ZNF14: variants seen among roughly 807,000 people sequenced by gnomAD.
ZNF14 encodes gonadotropin inducible transcription repressor-4.
Under a neutral mutation model 11.3 loss-of-function variants are expected in ZNF14, and 9 were observed. The observed-to-expected ratio is 0.80, with a 90% confidence interval of 0.48 to 1.39. The LOEUF (loss-of-function observed/expected upper bound fraction) is 1.39, where lower values mean the gene tolerates loss of function less well. ZNF14 is among the 40% of genes most tolerant of loss of function. The pLI is 0.00. For synonymous variants in ZNF14, 239 were observed against 245.7 expected (o/e 0.97, Z 0.25); for missense variants, 711 against 763.9 (o/e 0.93, Z 0.82).
At position 19,727,590 on chromosome 19, in the gene ZNF14, C is replaced by T. The variant is rs1480836411; in HGVS notation, c.3+5366G>A. 1.5e-5 allele frequency among the ~76,000 whole-genome samples: 2 copies of T among 133,654 alleles called. 1 individual carries two copies. Among genetic ancestry groups the T allele is most frequent in the Admixed American group, 1.5e-4 (2 of 13,560 alleles). 87.7% of individuals were successfully genotyped at this position (133,654 alleles called of 152,430 possible). A position where few individuals can be genotyped will look rare whatever the true frequency, so the allele number is the denominator to read the frequency against. ...ATGCCAACTCATACCTAAAATCACA[C>T]GATTACCAGAACACACTCCACATGT... is the stretch of plus-strand genomic sequence containing the variant. On this transcript the variant is annotated intron_variant, in intron 1 of 3. Coordinates refer to ENST00000344099, the MANE Select transcript of ZNF14 (RefSeq NM_021030.3).
Position 19,711,076 on chromosome 19 carries a change from C to T in ZNF14, c.*276G>A. 1 of 338,440 alleles carries T rather than the reference C, an allele frequency of 3.0e-6. No homozygotes were observed. The highest frequency in any genetic ancestry group is 5.3e-6 in the Non-Finnish European group (1 of 189,370). The allele number at this position is 338,440 out of a possible 1,614,324, so 21.0% of individuals were successfully genotyped here. On this transcript the variant is annotated 3_prime_UTR_variant, in exon 4 of 4. Coordinates refer to ENST00000344099, the MANE Select transcript of ZNF14 (RefSeq NM_021030.3). The stretch of plus-strand genomic sequence containing the variant: ...ATAGGCATGAGCCAACAAGCTTGGC[C>T]TTTTTTAAAAAAACAAAAAACAAAA...
intron 1 of ZNF14, among the ~76,000 whole-genome samples, chr19:19,715,937 TCA>T (rs1333561108): frequency 3.3e-5 from 5 of 152,360 alleles, no homozygotes; most frequent in African/African-American, 1.2e-4. Context: ...TATCACAGGC[TCA>T]GTTCTTCCTT....
chr19:19,732,868 C>A (rs2062428073), intron 1 of ZNF14, 88 bp downstream of exon 1: 1 of 1,568,920 alleles, frequency 6.4e-7, no homozygotes. Context: ...CTGCAAACCC[C>A]GGAGTTGACT....
chr19:19,732,873 T>G (rs947309888), intron 1 of ZNF14, 83 bp downstream of exon 1: 2 of 1,563,898 alleles, frequency 1.3e-6, no homozygotes, highest in East Asian at 2.3e-5. Context: ...AACCCCGGAG[T>G]TGACTGCAAG....
At chr19:19,727,195 T>C (rs1243285278) in intron 1 of ZNF14, among the ~76,000 whole-genome samples, 1 of 134,458 alleles carries the variant, frequency 7.4e-6, no homozygotes, top group East Asian at 2.1e-4. Flanking sequence ...TTTGGCCATC[T>C]TGGAGCCTCA....
intron 1 of ZNF14, among the ~76,000 whole-genome samples, chr19:19,732,219 C>T (rs574191340): frequency 6.6e-6 from 1 of 152,288 alleles, no homozygotes; most frequent in African/African-American, 2.4e-5. Context: ...CCTGAACAAG[C>T]TCACAATTAA....
In ZNF14 at chr19:19,712,097, T is replaced by C. The variant is rs752961683; in HGVS notation, c.1184A>G (p.Gln395Arg). Residue 395 changes from glutamine (Q) to arginine (R), a missense_variant, in exon 4 of 4, where the codon CAG (glutamine) becomes CGG (arginine). Physicochemically the swap from Gln to Arg is conservative, Grantham distance 43 (BLOSUM62 1). Transcript: ENST00000344099. ...TGAAAAACTGAAGGTTTTATGACAC[T>C]GTTTACACTCATAAGGTTTCTCTCC... ...HTGEKPYECK[Q>R]CHKTFSFSSS... The C allele has an allele frequency of 6.2e-7, 1 of 1,613,814 alleles. No individual in the cohort carries two copies.
intron 1 of ZNF14, among the ~76,000 whole-genome samples, chr19:19,728,836 T>C (rs2062414127): frequency 6.8e-6 from 1 of 147,758 alleles, no homozygotes. Flanking sequence ...TTCTCTAACT[T>C]TCCACTTTTG....
chr19:19,724,778 A>C (rs541724730), intron 1 of ZNF14, among the ~76,000 whole-genome samples: 2 of 133,330 alleles, frequency 1.5e-5, no homozygotes, highest in South Asian at 4.9e-4. Flanking sequence ...TATTGGGTGC[A>C]TATATATTTA....
At chr19:19,714,930 G>T (rs572004429) in intron 1 of ZNF14, among the ~76,000 whole-genome samples, 1 of 151,656 alleles carries the variant, frequency 6.6e-6, no homozygotes, top group African/African-American at 2.4e-5. Context: ...GGCTGGTCTC[G>T]AACTCCTGAG....
chr19:19,714,526 A>T lies in ZNF14; in HGVS notation c.4-39T>A, dbSNP rs776137424. 2.8e-5 allele frequency: 44 copies of T among 1,587,362 alleles called. No individual in the cohort carries two copies. In the South Asian group the frequency reaches 4.9e-4, roughly 18 times the overall value. On this transcript the variant is annotated intron_variant, in intron 1 of 3. Coordinates refer to ENST00000344099, the MANE Select transcript of ZNF14 (RefSeq NM_021030.3). ...CATATGTTTACAGAGGATGGGTAAG[A>T]CTGGCAGTACTGGGGATCTATACTT...
In ZNF14 at chr19:19,711,886, A is replaced by G. The variant is rs2062361720; in HGVS notation, c.1395T>C (p.His465=). The change falls in exon 4 of 4, where the codon CAT becomes CAC. Residue 465 remains histidine, a synonymous_variant. Coordinates refer to ENST00000344099, the MANE Select transcript of ZNF14 (RefSeq NM_021030.3). ...GTTTCTCTCCAGTGTGTGACCTTTC[A>G]TGAATTCGAAAATAACTTGAACACC... ...AFRCSSYFRI[H]ERSHTGEKPY... 1 of 1,613,640 alleles carries G rather than the reference A, an allele frequency of 6.2e-7. No homozygotes were observed. Among genetic ancestry groups the G allele is most frequent in the African/African-American group, 1.3e-5 (1 of 74,820 alleles).
intron 1 of ZNF14, among the ~76,000 whole-genome samples, chr19:19,719,769 A>G (rs755364482): frequency 6.6e-6 from 1 of 152,232 alleles, no homozygotes; most frequent in Non-Finnish European, 1.5e-5. Flanking sequence ...TTAAACATCA[A>G]TGGTCTAAAT....
At chr19:19,713,615 A>AT (rs1183433980) in intron 3 of ZNF14, among the ~76,000 whole-genome samples, 1 of 151,826 alleles carries the variant, frequency 6.6e-6, no homozygotes, top group Admixed American at 6.6e-5. Context: ...CAGCTGGCTA[A>AT]TTTTTGTATT....
At position 19,712,008 on chromosome 19, in the gene ZNF14, C is replaced by T. The variant is rs772134098; in HGVS notation, c.1273G>A (p.Gly425Ser). The change falls in exon 4 of 4, where the codon GGT becomes AGT. Residue 425 changes from glycine (G) to serine (S), a missense_variant. Coordinates refer to ENST00000344099, the MANE Select transcript of ZNF14 (RefSeq NM_021030.3). The part of the protein sequence containing the change: ...GEKPYECKQC[G>S]KTFSFSSSLQ... Reference sequence around the variant, plus strand: ...GAACTTGAAAAACTGAAGGTTTTACCACATTGTTTACATTCATAGGGTTTC... The same window carrying T: ...GAACTTGAAAAACTGAAGGTTTTACTACATTGTTTACATTCATAGGGTTTC... 3.1e-6 allele frequency: 5 copies of T among 1,613,822 alleles called. No homozygotes were observed. The highest frequency in any genetic ancestry group is 4.2e-6 in the Non-Finnish European group (5 of 1,179,886).
At position 19,711,025 on chromosome 19, in the gene ZNF14, C is replaced by G; in HGVS notation, c.*327G>C. On this transcript the variant is annotated 3_prime_UTR_variant, in exon 4 of 4. Coordinates refer to ENST00000344099, the MANE Select transcript of ZNF14 (RefSeq NM_021030.3). ...CCTCAAATGATCTGCCTGCCTTGCACCTTGGCCTCCCAAAGTGCTGGGACT... is the reference window on the plus strand; with the variant it reads ...CCTCAAATGATCTGCCTGCCTTGCAGCTTGGCCTCCCAAAGTGCTGGGACT... 4.4e-6 allele frequency: 1 copy of G among 224,824 alleles called. No individual in the cohort carries two copies. The allele number at this position is 224,824 out of a possible 1,614,324, so 13.9% of individuals were successfully genotyped here. A position where few individuals can be genotyped will look rare whatever the true frequency, so the allele number is the denominator to read the frequency against.
At position 19,714,420 on chromosome 19, in the gene ZNF14, G is replaced by A; in HGVS notation, c.71C>T (p.Ser24Leu). The change falls in exon 2 of 4, where the codon TCA (serine) becomes TTA (leucine). Residue 24 changes from serine to leucine, a missense_variant. Physicochemically the swap from Ser to Leu is moderately radical, Grantham distance 145. Transcript: ENST00000344099. ...TLEEWALLDS[S>L]QKKLYEDVMQ... ...CACATCTTCATAGAGCTTTTTCTGTGAAGAATCCAGCAAAGCCCACTCCTC... is the reference window on the plus strand; with the variant it reads ...CACATCTTCATAGAGCTTTTTCTGTAAAGAATCCAGCAAAGCCCACTCCTC... 1 of 1,614,084 alleles carries A rather than the reference G, an allele frequency of 6.2e-7. No homozygotes were observed. The highest frequency in any genetic ancestry group is 8.5e-7 in the Non-Finnish European group (1 of 1,180,010).
rs1418188732 is a variant in ZNF14 at position 19,712,499 on chromosome 19, C to A, written c.782G>T (p.Ser261Ile). 8 of 1,612,972 alleles carry A rather than the reference C, an allele frequency of 5.0e-6. No homozygotes were observed. The East Asian group carries it at 1.8e-4, about 36-fold the overall frequency. ...ATGAGTTCGAAAGTATGTGGGACAA[C>A]TGAAAGCCTTACCACATTGCTTACA... ...YECKQCGKAF[S>I]CPTYFRTHER... The change falls in exon 4 of 4, where the codon AGT becomes ATT. Residue 261 changes from serine to isoleucine, a missense_variant. Transcript: ENST00000344099.
intron 3 of ZNF14, 116 bp from the exon 4 acceptor site, chr19:19,713,205 C>G (rs1393486683): frequency 2.1e-5 from 20 of 959,406 alleles, no homozygotes; most frequent in Non-Finnish European, 3.0e-5. Flanking sequence ...TCTGCCCTGT[C>G]TGAATTGTTT....
Sources: gnomAD v4.1 joint callset for allele counts (sites outside exome capture counted in the v4.1 genomes callset) on GRCh38, gnomAD v4.1.1 for gene constraint, MANE v1.5 for transcripts, NCBI Gene and HGNC (gene_info 2026-07-23, HGNC 2026-07-21) for gene names.